The following LAMA4 variants were observed in gnomAD, a reference collection of about 807,000 sequenced individuals.
LAMA4 encodes the protein laminin subunit alpha-4.
A neutral mutation model predicts 207.1 loss-of-function variants in LAMA4; 127 were observed. The ratio of observed to expected loss-of-function variants is 0.61; its 90% CI spans 0.53 to 0.71. LAMA4 has a LOEUF of 0.71. LAMA4 is among the 30% of genes least tolerant of loss of function. The pLI is 0.00. For synonymous variants in LAMA4, 761 were observed against 816.0 expected (o/e 0.93, Z 1.15); for missense variants, 2,093 against 2,246.5 (o/e 0.93, Z 1.38).
intron 38 of LAMA4, 104 bp from the exon 39 acceptor site, chr6:112,109,686 G>A (rs1554321046): frequency 3.5e-6 from 4 of 1,145,286 alleles, no homozygotes; most frequent in Non-Finnish European, 3.8e-6. Context: ...TCATCAATAT[G>A]ATTTACATTT....
chr6:112,150,202 G>GACACACACACAC (rs68144829), intron 17 of LAMA4, among the ~76,000 whole-genome samples: 75 of 143,426 alleles, frequency 5.2e-4, no homozygotes, highest in South Asian at 1.1e-3. Context: ...CCCATTAAAA[G>GACACACACACAC]ACACACACAC....
At chr6:112,225,486 G>C (rs1785161484) in intron 2 of LAMA4, among the ~76,000 whole-genome samples, 1 of 152,192 alleles carries the variant, frequency 6.6e-6, no homozygotes, top group Non-Finnish European at 1.5e-5. Flanking sequence ...CACATAGAAT[G>C]ACACAATGTA....
At chr6:112,184,405 C>T (rs1423178989) in intron 9 of LAMA4, among the ~76,000 whole-genome samples, 1 of 151,652 alleles carries the variant, frequency 6.6e-6, no homozygotes, top group Non-Finnish European at 1.5e-5. Flanking sequence ...ATTAGTATAG[C>T]ACATGGATGG....
At chr6:112,167,393 CTG>C (rs1208772564) in intron 12 of LAMA4, among the ~76,000 whole-genome samples, 1 of 152,152 alleles carries the variant, frequency 6.6e-6, no homozygotes, top group African/African-American at 2.4e-5. Flanking sequence ...CAGAGTAAGA[CTG>C]TGTCTCAAAA....
chr6:112,175,130 A>T (rs1168779771), intron 11 of LAMA4, among the ~76,000 whole-genome samples, 183 bp downstream of exon 11: 1 of 152,142 alleles, frequency 6.6e-6, no homozygotes. Context: ...TGAATCTAAA[A>T]ATCTTGGTTA....
intron 2 of LAMA4, chr6:112,218,020 C>T (rs1784725735): frequency 6.6e-6 from 1 of 152,088 alleles, no homozygotes; most frequent in Non-Finnish European, 1.5e-5. Context: ...ATATATGTGT[C>T]TCAGAGAAAA....
intron 31 of LAMA4, among the ~76,000 whole-genome samples, chr6:112,123,884 T>G (rs1015131253): frequency 6.6e-6 from 1 of 152,170 alleles, no homozygotes; most frequent in African/African-American, 2.4e-5. Flanking sequence ...GTTTCTCTCT[T>G]GGATGGGGGA....
chr6:112,149,331 C>T (rs569375883), intron 17 of LAMA4, among the ~76,000 whole-genome samples: 1 of 152,110 alleles, frequency 6.6e-6, no homozygotes, highest in Admixed American at 6.5e-5. Flanking sequence ...GTACTTATCC[C>T]CATGACATAA....
At chr6:112,216,585 A>G in intron 2 of LAMA4, 116 bp from the exon 3 acceptor site, 1 of 734,092 alleles carries the variant, frequency 1.4e-6, no homozygotes, top group Non-Finnish European at 2.4e-6. Flanking sequence ...TCTAAAATGA[A>G]TATACTAAAT....
chr6:112,208,620 T>C (rs1271907767), intron 3 of LAMA4, among the ~76,000 whole-genome samples: 1 of 152,202 alleles, frequency 6.6e-6, no homozygotes, highest in Non-Finnish European at 1.5e-5. Context: ...TCTCCAGTAA[T>C]GTTGAAGAAA....
Position 112,129,188 on chromosome 6 carries a change from A to G in LAMA4, c.4134-113T>C, listed in dbSNP as rs1039681963. The G allele has an allele frequency of 2.8e-5, 14 of 493,838 alleles. No homozygotes were observed. The Admixed American group carries it at 3.2e-4, about 11-fold the overall frequency. The allele number at this position is 493,838 out of a possible 1,614,324, so 30.6% of individuals were successfully genotyped here. ...AATTAAAATGTGTGTGTGTGTGTGC[A>G]TGTGTGTGTGTGTGTATGTGTGATG... On this transcript the variant is annotated intron_variant, in intron 30 of 38. Transcript: ENST00000230538.
At chr6:112,146,195 C>T (rs1282582244) in intron 18 of LAMA4, among the ~76,000 whole-genome samples, 8 of 151,822 alleles carry the variant, frequency 5.3e-5, no homozygotes, top group South Asian at 2.1e-4. Context: ...GAGGCTGAGG[C>T]GGGAGAATCG....
At chr6:112,124,976 C>T (rs1778601899) in intron 31 of LAMA4, among the ~76,000 whole-genome samples, 1 of 152,072 alleles carries the variant, frequency 6.6e-6, no homozygotes, top group Non-Finnish European at 1.5e-5. Flanking sequence ...AGGCTGGTCT[C>T]GATCTCCTGA....
At chr6:112,244,165 G>T (rs1215419354) in intron 2 of LAMA4, among the ~76,000 whole-genome samples, 17 of 152,172 alleles carry the variant, frequency 1.1e-4, no homozygotes, top group African/African-American at 3.9e-4. Flanking sequence ...CAAGGTAACA[G>T]GTCACAAAGA....
intron 18 of LAMA4, 118 bp downstream of exon 18, chr6:112,148,039 T>G (rs1473568512): frequency 1.1e-6 from 1 of 900,792 alleles, no homozygotes; most frequent in Admixed American, 1.9e-5. Context: ...CTAAGCTAAC[T>G]TCTATAATTT....
intron 38 of LAMA4, among the ~76,000 whole-genome samples, chr6:112,111,817 C>T (rs967616077): frequency 2.6e-5 from 4 of 152,138 alleles, no homozygotes; most frequent in African/African-American, 9.7e-5. Flanking sequence ...TCTTGCCTGT[C>T]CAGTCTGTAG....
intron 13 of LAMA4, among the ~76,000 whole-genome samples, chr6:112,161,791 G>A (rs1781067860): frequency 6.6e-6 from 1 of 152,130 alleles, no homozygotes. Flanking sequence ...AAGATCTGAG[G>A]GCAGCAGGTG....
chr6:112,142,054 TA>T (rs1400348536), intron 20 of LAMA4, 64 bp downstream of exon 20: 3 of 1,575,818 alleles, frequency 1.9e-6, no homozygotes, highest in Non-Finnish European at 2.6e-6. Context: ...GGCTTTATTT[TA>T]GGCAAGAGAA....
At chr6:112,147,003 TTAGAG>T (rs1780068245) in intron 18 of LAMA4, among the ~76,000 whole-genome samples, 1 of 152,196 alleles carries the variant, frequency 6.6e-6, no homozygotes, top group Admixed American at 6.5e-5. Context: ...CCACCTTATA[TTAGAG>T]TACTTATAAA....
Sources: gnomAD v4.1 joint callset for allele counts (sites outside exome capture counted in the v4.1 genomes callset) on GRCh38, gnomAD v4.1.1 for gene constraint, MANE v1.5 for transcripts, NCBI Gene and HGNC (gene_info 2026-07-23, HGNC 2026-07-21) for gene names.